Variants in PRKG1 observed in about 807,000 individuals in gnomAD.
PRKG1 encodes protein kinase cGMP-dependent 1.
In PRKG1, 35 loss-of-function variants were observed where a neutral mutation model predicts 88.1. That is an observed-to-expected ratio of 0.40 (90% CI 0.30 to 0.53). The LOEUF (loss-of-function observed/expected upper bound fraction) is 0.53, where lower values mean the gene tolerates loss of function less well. Ranked by LOEUF, PRKG1 falls within the 20% of genes least tolerant of loss-of-function variation. PRKG1 has a pLI of 0.59. For synonymous variants in PRKG1, 303 were observed against 292.5 expected, an observed-to-expected ratio of 1.04 and a Z score of -0.37; for missense variants, 540 against 839.8, an observed-to-expected ratio of 0.64 and a Z score of 4.41.
At chr10:51,296,798 C>T (rs1840732456) in intron 2 of PRKG1, among the ~76,000 whole-genome samples, 1 of 151,998 alleles carries the variant, frequency 6.6e-6, no homozygotes, top group South Asian at 2.1e-4. Context: ...CTAGTGTAGG[C>T]ATTTATGTTG....
chr10:51,994,837 T>A (rs1282288853), intron 5 of PRKG1, among the ~76,000 whole-genome samples: 1 of 152,160 alleles, frequency 6.6e-6, no homozygotes, highest in Non-Finnish European at 1.5e-5. Context: ...ATTGAAGAAG[T>A]CACTGCTTCT....
chr10:51,637,020 A>G, intron 3 of PRKG1, among the ~76,000 whole-genome samples: 1 of 152,200 alleles, frequency 6.6e-6, no homozygotes, highest in East Asian at 1.9e-4. Flanking sequence ...ATGATCCAAT[A>G]TGGTGGTTCA....
intron 3 of PRKG1, among the ~76,000 whole-genome samples, chr10:51,557,345 AC>A (rs1169386414): frequency 2.3e-5 from 2 of 86,640 alleles, no homozygotes; most frequent in Non-Finnish European, 2.8e-5. Context: ...ATACACCACC[AC>A]CCCCCCACCA....
intron 2 of PRKG1, among the ~76,000 whole-genome samples, chr10:51,458,031 G>T (rs1839636886): frequency 6.6e-6 from 1 of 152,044 alleles, no homozygotes; most frequent in Non-Finnish European, 1.5e-5. Context: ...AGTATTTTTT[G>T]CAGGGTATGT....
intron 5 of PRKG1, among the ~76,000 whole-genome samples, chr10:51,967,413 G>A (rs1293107043): frequency 6.6e-6 from 1 of 152,120 alleles, no homozygotes; most frequent in Non-Finnish European, 1.5e-5. Context: ...GCCTGTTGTG[G>A]GGTGGGGGAT....
intron 1 of PRKG1, among the ~76,000 whole-genome samples, chr10:51,142,983 G>A (rs909198729): frequency 2.6e-5 from 4 of 152,072 alleles, no homozygotes; most frequent in African/African-American, 7.2e-5. Flanking sequence ...TTTTTATGGT[G>A]AGAATACAAC....
At chr10:51,700,376 GATTA>G (rs1442023287) in intron 3 of PRKG1, among the ~76,000 whole-genome samples, 23 of 152,120 alleles carry the variant, frequency 1.5e-4, no homozygotes, top group African/African-American at 3.6e-4. Context: ...ATAAATTAGT[GATTA>G]ATTAGTTATT....
chr10:51,715,765 G>A (rs1417713737), intron 3 of PRKG1, among the ~76,000 whole-genome samples: 1 of 152,064 alleles, frequency 6.6e-6, no homozygotes, highest in Non-Finnish European at 1.5e-5. Context: ...GCCCTGATAT[G>A]GAAAGTCAGA....
chr10:51,674,075 T>TAGTTCAA (rs920393700), intron 3 of PRKG1, among the ~76,000 whole-genome samples: 1 of 152,230 alleles, frequency 6.6e-6, no homozygotes, highest in African/African-American at 2.4e-5. Flanking sequence ...TCTTTCTACT[T>TAGTTCAA]AGTTCAACCT....
chr10:51,066,209 A>G (rs1471392643), intron 1 of PRKG1, among the ~76,000 whole-genome samples: 1 of 152,132 alleles, frequency 6.6e-6, no homozygotes, highest in Admixed American at 6.6e-5. Context: ...CAAATGCTCT[A>G]CCTTATTTTG....
At chr10:52,208,752 T>G (rs2132795797) in intron 9 of PRKG1, among the ~76,000 whole-genome samples, 1 of 152,344 alleles carries the variant, frequency 6.6e-6, no homozygotes, top group Middle Eastern at 3.4e-3. Flanking sequence ...TTCCATTTGG[T>G]CATGAAATAT....
intron 5 of PRKG1, among the ~76,000 whole-genome samples, chr10:52,043,564 G>A (rs1845796723): frequency 6.6e-6 from 1 of 152,000 alleles, no homozygotes; most frequent in East Asian, 1.9e-4. Flanking sequence ...GGAGAGGGTA[G>A]GAGAAAGGGA....
At chr10:51,610,684 A>T (rs1368951394) in intron 3 of PRKG1, among the ~76,000 whole-genome samples, 1 of 152,062 alleles carries the variant, frequency 6.6e-6, no homozygotes, top group African/African-American at 2.4e-5. Context: ...AACACTGTGG[A>T]ACGCTATGCA....
intron 8 of PRKG1, 132 bp downstream of exon 8, chr10:52,134,037 A>T (rs1837337269): frequency 1.4e-6 from 1 of 726,978 alleles, no homozygotes; most frequent in African/African-American, 1.8e-5. Flanking sequence ...TGAATTCTGT[A>T]TTTGTTTCTC....
intron 4 of PRKG1, among the ~76,000 whole-genome samples, chr10:51,892,024 CA>C (rs1306170395): frequency 1.2e-4 from 18 of 152,246 alleles, no homozygotes; most frequent in Non-Finnish European, 2.4e-4. Flanking sequence ...GAGCAATTCA[CA>C]AGGAGGCCAT....
At chr10:51,012,138 C>T (rs1401340875) in intron 1 of PRKG1, among the ~76,000 whole-genome samples, 1 of 152,130 alleles carries the variant, frequency 6.6e-6, no homozygotes, top group African/African-American at 2.4e-5. Flanking sequence ...AGGAACTAGC[C>T]AAACCATATT....
chr10:51,384,174 G>A (rs1017457825), intron 2 of PRKG1, among the ~76,000 whole-genome samples: 7 of 152,128 alleles, frequency 4.6e-5, no homozygotes, highest in Non-Finnish European at 1.0e-4. Flanking sequence ...TTCAGAGGGG[G>A]AGCTAAGATT....
At chr10:51,546,184 T>C (rs1842441087) in intron 3 of PRKG1, among the ~76,000 whole-genome samples, 1 of 152,112 alleles carries the variant, frequency 6.6e-6, no homozygotes, top group African/African-American at 2.4e-5. Flanking sequence ...AGACATGATA[T>C]TGACAACAGT....
At chr10:51,478,560 A>G (rs1477184406) in intron 3 of PRKG1, among the ~76,000 whole-genome samples, 3 of 152,088 alleles carry the variant, frequency 2.0e-5, no homozygotes, top group South Asian at 2.1e-4. Context: ...GAATTTACCA[A>G]TTCCCAGTTT....
Sources: gnomAD v4.1 joint callset for allele counts (sites outside exome capture counted in the v4.1 genomes callset) on GRCh38, gnomAD v4.1.1 for gene constraint, MANE v1.5 for transcripts, NCBI Gene and HGNC (gene_info 2026-07-23, HGNC 2026-07-21) for gene names.